TAF4B: variants seen among roughly 807,000 people sequenced by gnomAD.
The protein encoded by TAF4B is TATA-box binding protein associated factor 4b, also known as transcription initiation factor TFIID subunit 4B.
TAF4B carries 38 observed loss-of-function variants against 86.4 expected under a neutral mutation model. That is an observed-to-expected ratio of 0.44 (90% CI 0.34 to 0.58). The LOEUF (loss-of-function observed/expected upper bound fraction) is 0.58. TAF4B is among the 20% of genes least tolerant of loss of function. TAF4B has a pLI of 0.02. For missense variants in TAF4B, 988 were observed against 1,027.6 expected, an observed-to-expected ratio of 0.96 and a Z score of 0.53; for synonymous variants, 388 against 391.2, an observed-to-expected ratio of 0.99 and a Z score of 0.10.
chr18:26,341,799 C>T (rs956548000), intron 13 of TAF4B, among the ~76,000 whole-genome samples: 3 of 152,032 alleles, frequency 2.0e-5, no homozygotes, highest in South Asian at 2.1e-4. Flanking sequence ...GTTGTGGTAT[C>T]CTTGAAGTTA....
At chr18:26,384,962 C>G (rs1045888242) in intron 14 of TAF4B, among the ~76,000 whole-genome samples, 25 of 152,168 alleles carry the variant, frequency 1.6e-4, no homozygotes, top group African/African-American at 6.0e-4. Flanking sequence ...ATAGTAGGTA[C>G]CCAGTAACCC....
intron 5 of TAF4B, among the ~76,000 whole-genome samples, chr18:26,275,387 C>G (rs543328578): frequency 1.3e-5 from 2 of 152,244 alleles, no homozygotes; most frequent in African/African-American, 4.8e-5. Context: ...AACTCCTGGC[C>G]TCAAGTGATG....
chr18:26,304,872 G>T, intron 9 of TAF4B: 2 of 985,266 alleles, frequency 2.0e-6, no homozygotes, highest in Non-Finnish European at 2.4e-6. Context: ...GTCACTATAA[G>T]TATTTTCTTT....
In TAF4B at chr18:26,307,087, C is replaced by G. The variant is rs544169911; in HGVS notation, c.1833-8142C>G. ...TACAGGCATGAGCCACCGTGCCCAG[C>G]CTTACTTCAGTTACTTTTTAAATGA... On this transcript the variant is annotated intron_variant, in intron 9 of 14. Coordinates refer to ENST00000269142, the MANE Select transcript of TAF4B (RefSeq NM_005640.3). 9.2e-5 allele frequency among the ~76,000 whole-genome samples: 14 copies of G among 152,154 alleles called. No homozygotes were observed. The South Asian group carries it at 2.9e-3, about 32-fold the overall frequency.
At chr18:26,283,806 T>C (rs1041925813) in intron 6 of TAF4B, among the ~76,000 whole-genome samples, 1 of 152,118 alleles carries the variant, frequency 6.6e-6, no homozygotes, top group Non-Finnish European at 1.5e-5. Flanking sequence ...ATCCCAGCAC[T>C]TTAGGAGCCC....
chr18:26,286,530 C>G, intron 7 of TAF4B, 31 bp downstream of exon 7: 2 of 1,554,226 alleles, frequency 1.3e-6, no homozygotes, highest in Non-Finnish European at 1.7e-6. Flanking sequence ...TCCCCAGTTA[C>G]TTATTTTGAA....
At position 26,342,790 on chromosome 18, in the gene TAF4B, C is replaced by T. The variant is rs191077621; in HGVS notation, c.2316+7559C>T. The stretch of plus-strand genomic sequence containing the variant: ...TGAAGGCTTCTGCCTTTTTCATTAG[C>T]CATAAAGGAAATAGCATATTCTTAA... On this transcript the variant is annotated intron_variant, in intron 13 of 14. Coordinates refer to ENST00000269142, the MANE Select transcript of TAF4B (RefSeq NM_005640.3). 5.0e-3 allele frequency among the ~76,000 whole-genome samples: 767 copies of T among 152,270 alleles called. 2 individuals carry two copies. Among genetic ancestry groups the T allele is most frequent in the Non-Finnish European group, 6.9e-3 (472 of 68,020 alleles).
chr18:26,315,192 C>CACACACACACA (rs749841898), intron 9 of TAF4B, 37 bp from the exon 10 acceptor site: 3 of 1,333,248 alleles, frequency 2.3e-6, no homozygotes, highest in Non-Finnish European at 2.0e-6. Context: ...CACACACACA[C>CACACACACACA]AACCTAAAAT....
intron 9 of TAF4B, among the ~76,000 whole-genome samples, chr18:26,306,372 T>C (rs192158665): frequency 1.3e-5 from 2 of 152,296 alleles, no homozygotes; most frequent in African/African-American, 4.8e-5. Context: ...CAACATAAAG[T>C]AGCTTCCACA....
chr18:26,381,669 G>A (rs959960073), intron 14 of TAF4B, among the ~76,000 whole-genome samples: 5 of 151,850 alleles, frequency 3.3e-5, no homozygotes, highest in Non-Finnish European at 7.4e-5. Context: ...AGAGGTTGCG[G>A]TGAGCCGAGA....
At chr18:26,288,579 G>A (rs1054097216) in intron 7 of TAF4B, among the ~76,000 whole-genome samples, 1 of 152,142 alleles carries the variant, frequency 6.6e-6, no homozygotes, top group South Asian at 2.1e-4. Flanking sequence ...AGGTTGCAGT[G>A]AGCCAAGATC....
At chr18:26,375,516 T>TC (rs1430090321) in intron 14 of TAF4B, among the ~76,000 whole-genome samples, 1 of 152,170 alleles carries the variant, frequency 6.6e-6, no homozygotes, top group Non-Finnish European at 1.5e-5. Context: ...GACTTTTCCA[T>TC]CCACAATGCA....
At chr18:26,327,195 G>T in intron 12 of TAF4B, 55 bp downstream of exon 12, 1 of 1,564,086 alleles carries the variant, frequency 6.4e-7, no homozygotes, top group South Asian at 1.2e-5. Context: ...GGTCAGAGGT[G>T]GCTTTATCGT....
intron 3 of TAF4B, among the ~76,000 whole-genome samples, chr18:26,273,615 G>A (rs1023508136): frequency 2.0e-5 from 3 of 152,042 alleles, no homozygotes; most frequent in South Asian, 2.1e-4. Flanking sequence ...GACTGGTCTC[G>A]AACTCCTGTC....
chr18:26,305,433 A>G (rs2056784010), intron 9 of TAF4B, among the ~76,000 whole-genome samples: 1 of 152,138 alleles, frequency 6.6e-6, no homozygotes, highest in African/African-American at 2.4e-5. Context: ...TTTGAGATAC[A>G]GTTTCACTCT....
At chr18:26,344,396 A>C (rs1390205741) in intron 13 of TAF4B, among the ~76,000 whole-genome samples, 1 of 151,966 alleles carries the variant, frequency 6.6e-6, no homozygotes, top group East Asian at 1.9e-4. Context: ...AAACCTGTGG[A>C]GATCAGAAGA....
intron 13 of TAF4B, among the ~76,000 whole-genome samples, chr18:26,356,217 T>C (rs896430405): frequency 6.6e-6 from 1 of 152,110 alleles, no homozygotes; most frequent in Non-Finnish European, 1.5e-5. Flanking sequence ...CTTAAGTCTC[T>C]TTTATAAGGG....
intron 12 of TAF4B, among the ~76,000 whole-genome samples, chr18:26,333,389 A>T (rs936156906): frequency 6.8e-5 from 10 of 146,876 alleles, no homozygotes; most frequent in African/African-American, 2.5e-4. Context: ...CCCAAATTAA[A>T]TTTATTTTAT....
At chr18:26,386,343 A>G (rs1018456260) in intron 14 of TAF4B, among the ~76,000 whole-genome samples, 2 of 150,944 alleles carry the variant, frequency 1.3e-5, no homozygotes, top group Non-Finnish European at 3.0e-5. Context: ...ATTTTGCCTT[A>G]TTGTCTTTCC....
Sources: allele counts gnomAD v4.1 joint callset (sites outside exome capture counted in the v4.1 genomes callset), GRCh38; gene constraint gnomAD v4.1.1; transcripts MANE v1.5; gene names NCBI Gene and HGNC (gene_info 2026-07-23, HGNC 2026-07-21).